Variants in EEPD1 observed in about 807,000 individuals in gnomAD.
EEPD1 encodes the protein endonuclease/exonuclease/phosphatase family domain-containing protein 1.
EEPD1 carries 17 observed loss-of-function variants against 46.3 expected under a neutral mutation model. The ratio of observed to expected loss-of-function variants is 0.37; its 90% CI spans 0.25 to 0.55. EEPD1 has a LOEUF of 0.55. Ranked by LOEUF, EEPD1 falls within the 20% of genes least tolerant of loss-of-function variation. The pLI is 0.83. For missense variants in EEPD1, 673 were observed against 745.6 expected (o/e 0.90, Z 1.13); for synonymous variants, 313 against 315.6 (o/e 0.99, Z 0.09).
intron 2 of EEPD1, among the ~76,000 whole-genome samples, chr7:36,170,215 C>T (rs1238934594): frequency 1.3e-5 from 2 of 152,156 alleles, no homozygotes; most frequent in Non-Finnish European, 2.9e-5. Flanking sequence ...TCGAGACCAG[C>T]CTGGCCAACA....
intron 1 of EEPD1, among the ~76,000 whole-genome samples, chr7:36,153,929 C>G (rs188475111): frequency 6.6e-6 from 1 of 152,188 alleles, no homozygotes; most frequent in East Asian, 1.9e-4. Context: ...GGCTCGTAGC[C>G]TTTTTGGACT....
intron 2 of EEPD1, among the ~76,000 whole-genome samples, chr7:36,195,248 C>T (rs951606610): frequency 2.0e-5 from 3 of 152,124 alleles, no homozygotes; most frequent in Non-Finnish European, 2.9e-5. Flanking sequence ...GGGGAGCATG[C>T]GGGATTTACT....
At chr7:36,258,183 G>A (rs957499653) in intron 3 of EEPD1, among the ~76,000 whole-genome samples, 1 of 152,204 alleles carries the variant, frequency 6.6e-6, no homozygotes, top group Admixed American at 6.5e-5. Context: ...ATTGCTGCCT[G>A]TTCCTTCCTC....
In EEPD1 at chr7:36,154,135, G is replaced by T; in HGVS notation, c.-190G>T. Reference sequence around the variant, plus strand: ...ATGTTTATTGATTTATTTTCTAGGCGGCCAAGTGAAAGGTAATTTTGGACA... The same window carrying T: ...ATGTTTATTGATTTATTTTCTAGGCTGCCAAGTGAAAGGTAATTTTGGACA... On this transcript the variant is annotated splice_region_variant and 5_prime_UTR_variant, in exon 2 of 8. Transcript: ENST00000242108. This position sits in a 1 kb window ranked among gnomAD's most constrained non-coding sequence, Gnocchi z 4.2. 1.5e-6 allele frequency: 1 copy of T among 649,502 alleles called. No homozygotes were observed. Among genetic ancestry groups the T allele is most frequent in the Non-Finnish European group, 2.6e-6 (1 of 388,682 alleles). 40.2% of individuals were successfully genotyped at this position (649,502 alleles called of 1,614,324 possible). A position where few individuals can be genotyped will look rare whatever the true frequency, so the allele number is the denominator to read the frequency against.
chr7:36,287,696 G>C lies in EEPD1; in HGVS notation c.1234G>C (p.Gly412Arg). The change falls in exon 6 of 8, where the codon GGG (glycine) becomes CGG (arginine). Residue 412 changes from glycine to arginine, a missense_variant. Gly to Arg is a moderately radical substitution (Grantham distance 125). Transcript: ENST00000242108. ...NLHLAALTLLGSENPSKNHSD... is the reference protein window; with the variant it reads ...NLHLAALTLLRSENPSKNHSD... ...TCACCTGGCAGCCCTGACCCTCCTG[G>C]GGAGCGAGAATCCCAGCAAGAATCA... 6.2e-7 allele frequency: 1 copy of C among 1,614,150 alleles called. No homozygotes were observed. Among genetic ancestry groups the C allele is most frequent in the Non-Finnish European group, 8.5e-7 (1 of 1,180,020 alleles).
At position 36,192,959 on chromosome 7, in the gene EEPD1, G is replaced by A. The variant is rs889356234; in HGVS notation, c.878+37757G>A. Reference sequence around the variant, plus strand: ...CTGTGCAGGGCATCCCTTCTCTGTCGGTTTCCTGGGTGGGGCTTGGTCACT... The same window carrying A: ...CTGTGCAGGGCATCCCTTCTCTGTCAGTTTCCTGGGTGGGGCTTGGTCACT... On this transcript the variant is annotated intron_variant, in intron 2 of 7. Transcript: ENST00000242108. 2.4e-4 allele frequency among the ~76,000 whole-genome samples: 37 copies of A among 152,168 alleles called. 1 individual carries two copies. The highest frequency in any genetic ancestry group is 4.1e-4 in the South Asian group (2 of 4,824).
At chr7:36,259,970 C>G (rs1161729685) in intron 3 of EEPD1, among the ~76,000 whole-genome samples, 1 of 152,190 alleles carries the variant, frequency 6.6e-6, no homozygotes, top group Non-Finnish European at 1.5e-5. Context: ...TTCCTCACTC[C>G]AATACATCTC....
chr7:36,280,339 C>G (rs1310415366), intron 3 of EEPD1, among the ~76,000 whole-genome samples: 2 of 152,120 alleles, frequency 1.3e-5, no homozygotes, highest in Admixed American at 6.5e-5. Context: ...CCAAGAGGCT[C>G]TCACTCGTAG....
intron 3 of EEPD1, among the ~76,000 whole-genome samples, chr7:36,262,986 G>T (rs1175626002): frequency 6.6e-6 from 1 of 152,156 alleles, no homozygotes; most frequent in Non-Finnish European, 1.5e-5. Context: ...TCCTGCTCAT[G>T]TCTGACTAGC....
intron 3 of EEPD1, among the ~76,000 whole-genome samples, chr7:36,248,723 A>T (rs1480019091): frequency 1.3e-5 from 2 of 152,032 alleles, no homozygotes; most frequent in Admixed American, 6.6e-5. Flanking sequence ...GTGGCTAATC[A>T]TGAGTAAACT....
intron 3 of EEPD1, among the ~76,000 whole-genome samples, chr7:36,259,465 A>AT (rs1491165006): frequency 6.6e-6 from 1 of 152,168 alleles, no homozygotes; most frequent in Admixed American, 6.5e-5. Flanking sequence ...GCATCTATAC[A>AT]TGTTACACCT....
chr7:36,292,288 C>A (rs1170275220), intron 6 of EEPD1, among the ~76,000 whole-genome samples: 1 of 152,244 alleles, frequency 6.6e-6, no homozygotes, highest in Non-Finnish European at 1.5e-5. Flanking sequence ...TCAAATTCCA[C>A]ACTCAGAGTC....
At chr7:36,183,805 CTG>C (rs1785314329) in intron 2 of EEPD1, among the ~76,000 whole-genome samples, 1 of 151,332 alleles carries the variant, frequency 6.6e-6, no homozygotes, top group Non-Finnish European at 1.5e-5. Flanking sequence ...CCGCCAGACT[CTG>C]TATTCTTGAC....
At chr7:36,243,930 A>G (rs917519456) in intron 3 of EEPD1, among the ~76,000 whole-genome samples, 91 of 150,766 alleles carry the variant, frequency 6.0e-4, no homozygotes, top group African/African-American at 2.0e-3. Context: ...ATAGCATTAG[A>G]AGATATACCT....
At chr7:36,185,993 C>T (rs1375511425) in intron 2 of EEPD1, among the ~76,000 whole-genome samples, 1 of 152,214 alleles carries the variant, frequency 6.6e-6, no homozygotes, top group Non-Finnish European at 1.5e-5. Flanking sequence ...ACTATGTCGA[C>T]ATATTTGAAG....
chr7:36,212,160 A>T (rs1172749080), intron 2 of EEPD1, among the ~76,000 whole-genome samples: 1 of 152,240 alleles, frequency 6.6e-6, no homozygotes, highest in Non-Finnish European at 1.5e-5. Flanking sequence ...TATAGGGGAA[A>T]TGTTTAACTT....
intron 2 of EEPD1, among the ~76,000 whole-genome samples, chr7:36,183,028 G>A (rs1785302065): frequency 6.6e-6 from 1 of 152,180 alleles, no homozygotes; most frequent in African/African-American, 2.4e-5. Context: ...CTGGGTGTCA[G>A]GGCAGCTCAG....
intron 3 of EEPD1, among the ~76,000 whole-genome samples, chr7:36,278,210 G>A (rs990881746): frequency 6.6e-6 from 1 of 152,164 alleles, no homozygotes; most frequent in Non-Finnish European, 1.5e-5. Context: ...ATGGGAATCA[G>A]TGCTGTCAGC....
At position 36,154,361 on chromosome 7, in the gene EEPD1, A is replaced by G. The variant is rs367993321; in HGVS notation, c.37A>G (p.Arg13Gly). Residue 13 changes from arginine (R) to glycine (G), a missense_variant, in exon 2 of 8, where the codon AGG (arginine) becomes GGG (glycine). Physicochemically the swap from Arg to Gly is moderately radical, Grantham distance 125. Coordinates refer to ENST00000242108, the MANE Select transcript of EEPD1 (RefSeq NM_030636.3). The surrounding 1 kb of genome is among the most constrained non-coding windows in gnomAD (Gnocchi z 4.2). ...STLGCHRSIP[R>G]DPSDLSHSRK... ...CCTGGGCTGCCACCGCTCCATCCCC[A>G]GGGACCCCTCGGACCTGTCCCATAG... The G allele has an allele frequency of 2.5e-5, 41 of 1,613,034 alleles. No homozygotes were observed. Among genetic ancestry groups the G allele is most frequent in the Non-Finnish European group, 3.3e-5 (39 of 1,179,986 alleles).
Sources: gnomAD v4.1 joint callset for allele counts (sites outside exome capture counted in the v4.1 genomes callset) on GRCh38, gnomAD v4.1.1 for gene constraint, Gnocchi (gnomAD v3.1) non-coding constraint, MANE v1.5 for transcripts, NCBI Gene and HGNC (gene_info 2026-07-23, HGNC 2026-07-21) for gene names.